Variants in SEPTIN9 observed in about 807,000 individuals in gnomAD.
SEPTIN9 encodes septin-9.
In SEPTIN9, 13 loss-of-function variants were observed where a neutral mutation model predicts 56.6. That is an observed-to-expected ratio of 0.23 (90% CI 0.15 to 0.37). The LOEUF (loss-of-function observed/expected upper bound fraction) is 0.37, where lower values mean the gene tolerates loss of function less well. Among genes scored for constraint, SEPTIN9 ranks in the 10% least tolerant of loss-of-function variants. The pLI is 1.00. For missense variants in SEPTIN9, 650 were observed against 823.1 expected, an observed-to-expected ratio of 0.79 and a Z score of 2.57; for synonymous variants, 332 against 334.1, an observed-to-expected ratio of 0.99 and a Z score of 0.07.
rs1392609912 is a variant in SEPTIN9 at position 77,450,587 on chromosome 17, C to G, written c.722-31557C>G. ...GGTCTGGCAGATCCCAGCGTCCAGG[C>G]CCAGCCCCTATAGTGTCAGCTCCCT... On this transcript the variant is annotated intron_variant, in intron 3 of 11. Transcript: ENST00000427177. The surrounding 1 kb of genome is among the most constrained non-coding windows in gnomAD (Gnocchi z 6.0). The G allele has an allele frequency of 1.0e-6, 1 of 985,720 alleles. No individual in the cohort carries two copies. The highest frequency in any genetic ancestry group is 5.2e-4 in the Middle Eastern group (1 of 1,920). 61.1% of individuals were successfully genotyped at this position (985,720 alleles called of 1,614,324 possible).
intron 3 of SEPTIN9, among the ~76,000 whole-genome samples, chr17:77,442,922 G>C (rs1373935033): frequency 1.3e-5 from 2 of 151,980 alleles, no homozygotes; most frequent in Non-Finnish European, 2.9e-5. Flanking sequence ...AAACAAATGA[G>C]TTTTTGGAAA....
intron 2 of SEPTIN9, among the ~76,000 whole-genome samples, chr17:77,312,335 C>T (rs905391003): frequency 1.2e-3 from 176 of 152,264 alleles, no homozygotes; most frequent in African/African-American, 3.8e-3. Flanking sequence ...CCCAAAGCCT[C>T]GAGGGTGGAT....
At chr17:77,336,922 C>T (rs561452096) in intron 2 of SEPTIN9, among the ~76,000 whole-genome samples, 15 of 151,092 alleles carry the variant, frequency 9.9e-5, no homozygotes. Flanking sequence ...GCTTTTTCTG[C>T]ATCTATGGAA....
rs2035454741 is a variant in SEPTIN9 at position 77,389,409 on chromosome 17, C to G, written c.77-12650C>G. ...TGCCAGAGAGGCCCTGGCGGGGTGT[C>G]TGGGGCCACCTAAAGGGCGTGGGTG... On this transcript the variant is annotated intron_variant, in intron 2 of 11. Transcript: ENST00000427177. The surrounding 1 kb of genome is among the most constrained non-coding windows in gnomAD (Gnocchi z 4.3). Among the ~76,000 whole-genome samples, 1 of 152,098 alleles carries G rather than the reference C, an allele frequency of 6.6e-6. No individual in the cohort carries two copies. The highest frequency in any genetic ancestry group is 1.5e-5 in the Non-Finnish European group (1 of 67,992).
At position 77,335,854 on chromosome 17, in the gene SEPTIN9, G is replaced by A. The variant is rs2033530128; in HGVS notation, c.76+28657G>A. On this transcript the variant is annotated intron_variant, in intron 2 of 11. Transcript: ENST00000427177. ...TATACATGTAGGCCCTATGTTGACT[G>A]TATATATATATGTGGTCCTGTATTA... Among the ~76,000 whole-genome samples the A allele has an allele frequency of 5.0e-5, 3 of 59,532 alleles. 1 individual carries two copies. Among genetic ancestry groups the A allele is most frequent in the Non-Finnish European group, 9.9e-5 (3 of 30,310 alleles). The allele number at this position is 59,532 out of a possible 152,430, so 39.1% of individuals were successfully genotyped here. A position where few individuals can be genotyped will look rare whatever the true frequency, so the allele number is the denominator to read the frequency against.
At chr17:77,464,957 C>T (rs2038649456) in intron 3 of SEPTIN9, among the ~76,000 whole-genome samples, 3 of 152,200 alleles carry the variant, frequency 2.0e-5, no homozygotes, top group Admixed American at 6.5e-5. Flanking sequence ...ATTTCATCAT[C>T]CCCAAAAGAG....
At chr17:77,301,025 C>T (rs1434743644) in intron 1 of SEPTIN9, among the ~76,000 whole-genome samples, 1 of 130,172 alleles carries the variant, frequency 7.7e-6, no homozygotes, top group East Asian at 2.4e-4. Flanking sequence ...CCCACCCCAG[C>T]TCAAACCGCC....
chr17:77,283,178 T>TTA (rs1491120589), intron 1 of SEPTIN9, among the ~76,000 whole-genome samples: 3 of 147,064 alleles, frequency 2.0e-5, no homozygotes, highest in East Asian at 2.0e-4. Context: ...TTTTTTTTTT[T>TTA]AAAAAAAAGG....
intron 2 of SEPTIN9, among the ~76,000 whole-genome samples, chr17:77,311,424 C>T (rs2032488362): frequency 1.3e-5 from 2 of 152,206 alleles, no homozygotes; most frequent in South Asian, 4.1e-4. Flanking sequence ...CGCAGGAAGT[C>T]TCCCTCAAGC....
chr17:77,347,160 C>A (rs2033916941), intron 2 of SEPTIN9, among the ~76,000 whole-genome samples: 1 of 152,208 alleles, frequency 6.6e-6, no homozygotes, highest in South Asian at 2.1e-4. Flanking sequence ...GGTGGATCAC[C>A]TGAGGTCAGG....
At chr17:77,290,389 C>G (rs1300624219) in intron 1 of SEPTIN9, among the ~76,000 whole-genome samples, 1 of 151,754 alleles carries the variant, frequency 6.6e-6, no homozygotes, top group Non-Finnish European at 1.5e-5. Flanking sequence ...TCCCGCATAG[C>G]TGGGACTACA....
chr17:77,359,700 A>ATGGGAGGATCGCTTGGGCC (rs1450541857), intron 2 of SEPTIN9, among the ~76,000 whole-genome samples: 3 of 152,068 alleles, frequency 2.0e-5, no homozygotes, highest in African/African-American at 7.2e-5. Flanking sequence ...AGAGGCTGAG[A>ATGGGAGGATCGCTTGGGCC]TGGGAGGATC....
chr17:77,420,380 G>T (rs913898006), intron 3 of SEPTIN9, among the ~76,000 whole-genome samples: 6 of 152,296 alleles, frequency 3.9e-5, no homozygotes, highest in African/African-American at 1.2e-4. Context: ...GTTCTGCGAG[G>T]CCCCTACTGG....
At chr17:77,431,379 C>T (rs367799674) in intron 3 of SEPTIN9, among the ~76,000 whole-genome samples, 35 of 152,186 alleles carry the variant, frequency 2.3e-4, no homozygotes, top group African/African-American at 8.4e-4. Flanking sequence ...CTACTTGTGA[C>T]AAAATAATTA....
chr17:77,374,433 T>G (rs1370454333), intron 2 of SEPTIN9: 1 of 152,110 alleles, frequency 6.6e-6, no homozygotes, highest in Non-Finnish European at 1.5e-5. Context: ...CGGGAGTAAA[T>G]ACAGCAGGCG....
chr17:77,471,808 A>G (rs2143048684), intron 3 of SEPTIN9, among the ~76,000 whole-genome samples: 1 of 152,240 alleles, frequency 6.6e-6, no homozygotes. Flanking sequence ...CACGGGCTGG[A>G]TCTTGGGGTT....
rs1487076779 is a variant in SEPTIN9, at chr17:77,425,745, A to G, written c.721+23042A>G. Among the ~76,000 whole-genome samples, 1 of 145,144 alleles carries G rather than the reference A, an allele frequency of 6.9e-6. No homozygotes were observed. Among genetic ancestry groups the G allele is most frequent in the Non-Finnish European group, 1.5e-5 (1 of 66,342 alleles). ...GCTAAGAGGAAGCTGCCCCCCGCTC[A>G]TCTACCCCCCAACCCTCCCAGCCAG... On this transcript the variant is annotated intron_variant, in intron 3 of 11. Coordinates refer to ENST00000427177, the MANE Select transcript of SEPTIN9 (RefSeq NM_001113491.2). The surrounding 1 kb of genome is among the most constrained non-coding windows in gnomAD (Gnocchi z 4.2).
chr17:77,360,915 C>CTTTTTTTTT, intron 2 of SEPTIN9, among the ~76,000 whole-genome samples: 1 of 76,798 alleles, frequency 1.3e-5, no homozygotes, highest in Non-Finnish European at 2.3e-5. Context: ...GTCTTTCATC[C>CTTTTTTTTT]TTTTTTTTTT....
At chr17:77,463,825 A>G (rs1309102661) in intron 3 of SEPTIN9, among the ~76,000 whole-genome samples, 1 of 152,190 alleles carries the variant, frequency 6.6e-6, no homozygotes, top group Non-Finnish European at 1.5e-5. Context: ...CCTGGACGAC[A>G]GAGCAAGATT....
Sources: gnomAD v4.1 joint callset for allele counts (sites outside exome capture counted in the v4.1 genomes callset) on GRCh38, gnomAD v4.1.1 for gene constraint, Gnocchi (gnomAD v3.1) non-coding constraint, MANE v1.5 for transcripts, NCBI Gene and HGNC (gene_info 2026-07-23, HGNC 2026-07-21) for gene names.